The following MCF2L variants were observed in gnomAD, a reference collection of about 807,000 sequenced individuals.
MCF2L encodes the protein guanine nucleotide exchange factor DBS.
Under a neutral mutation model 153.4 loss-of-function variants are expected in MCF2L, and 97 were observed. The observed-to-expected ratio is 0.63, with a 90% CI of 0.54 to 0.75. The LOEUF is 0.75. MCF2L is among the 30% of genes least tolerant of loss of function. MCF2L has a pLI of 0.00. For missense variants in MCF2L, 1,347 were observed against 1,495.2 expected (o/e 0.90, Z 1.64); for synonymous variants, 659 against 632.2 (o/e 1.04, Z -0.64).
intron 29 of MCF2L, 21 bp from the exon 30 acceptor site, chr13:113,096,753 C>G: frequency 6.4e-7 from 1 of 1,562,612 alleles, no homozygotes; most frequent in African/African-American, 1.4e-5. Flanking sequence ...CGAAGCCCGT[C>G]CCCGCCTGAT....
intron 3 of MCF2L, among the ~76,000 whole-genome samples, chr13:113,042,061 G>C (rs1197792420): frequency 1.3e-5 from 2 of 152,198 alleles, no homozygotes; most frequent in Non-Finnish European, 2.9e-5. Flanking sequence ...CTGGTCCATA[G>C]CACAGCTGAG....
At chr13:113,065,194 T>TGTGTCAGCAGCACGTAAGACCAAG in intron 7 of MCF2L, 109 bp downstream of exon 7, 1 of 1,387,404 alleles carries the variant, frequency 7.2e-7, no homozygotes, top group Non-Finnish European at 1.0e-6. Context: ...AGCGGGAGTT[T>TGTGTCAGCAGCACGTAAGACCAAG]GTGTCAGCAG....
At chr13:112,948,605 A>C (rs950129698) in intron 2 of MCF2L, among the ~76,000 whole-genome samples, 2 of 152,246 alleles carry the variant, frequency 1.3e-5, no homozygotes, top group Admixed American at 6.5e-5. Flanking sequence ...CAGTACTGAG[A>C]GGGGAATTTT....
In MCF2L at chr13:112,993,070, G is replaced by C. The variant is rs867734336; in HGVS notation, c.80-21693G>C. Among the ~76,000 whole-genome samples the C allele has an allele frequency of 1.8e-4, 28 of 152,364 alleles. 1 individual carries two copies. The highest frequency in any genetic ancestry group is 3.4e-3 in the Middle Eastern group (1 of 294). On this transcript the variant is annotated intron_variant, in intron 1 of 29. Coordinates refer to ENST00000535094, the MANE Select transcript of MCF2L (RefSeq NM_001112732.3). The surrounding 1 kb of genome is among the most constrained non-coding windows in gnomAD (Gnocchi z 4.6). ...AGAGAGCGGCTCGCTGCCTTGAGAA[G>C]CTCCCGCTTCTGCAGTAAGGTGGCT...
intron 8 of MCF2L, among the ~76,000 whole-genome samples, 163 bp from the exon 9 acceptor site, chr13:113,069,896 C>T (rs1387367029): frequency 1.3e-5 from 2 of 152,124 alleles, no homozygotes; most frequent in African/African-American, 4.8e-5. Flanking sequence ...TGAGTGCCCG[C>T]GCCCGCAGAT....
chr13:112,973,105 A>G (rs1346884746), intron 1 of MCF2L, among the ~76,000 whole-genome samples: 1 of 152,022 alleles, frequency 6.6e-6, no homozygotes, highest in African/African-American at 2.4e-5. Context: ...AAGAGCTCTC[A>G]GTGGAGTAGG....
chr13:112,938,569 A>G (rs1325265284), intron 2 of MCF2L, among the ~76,000 whole-genome samples: 1 of 152,084 alleles, frequency 6.6e-6, no homozygotes, highest in African/African-American at 2.4e-5. Flanking sequence ...CAGATTTGGG[A>G]CCTGAAACTG....
Position 112,933,768 on chromosome 13 carries a change from C to T in MCF2L, c.169+31397C>T, listed in dbSNP as rs527745079. Reference sequence around the variant, plus strand: ...CAGCTGGCCCTTGGCCATCGGTCAGCGAAGAGCAGGCAGGAGAACCCAAGG... The same window carrying T: ...CAGCTGGCCCTTGGCCATCGGTCAGTGAAGAGCAGGCAGGAGAACCCAAGG... On this transcript the variant is annotated intron_variant, in intron 2 of 29. Coordinates refer to the MCF2L transcript ENST00000375608. 5.9e-5 allele frequency among the ~76,000 whole-genome samples: 9 copies of T among 152,348 alleles called. No homozygotes were observed. In the East Asian group the frequency reaches 7.7e-4, roughly 13 times the overall value.
At chr13:113,034,294 G>A (rs1009855721) in intron 3 of MCF2L, among the ~76,000 whole-genome samples, 4 of 152,026 alleles carry the variant, frequency 2.6e-5, no homozygotes, top group African/African-American at 4.8e-5. Context: ...ATGCCACCAC[G>A]CCCGGCTAAT....
In MCF2L at chr13:113,064,259, C is replaced by G. The variant is rs2032013555; in HGVS notation, c.490-45C>G. On this transcript the variant is annotated intron_variant, in intron 5 of 29. Coordinates refer to ENST00000535094, the MANE Select transcript of MCF2L (RefSeq NM_001112732.3). This position sits in a 1 kb window ranked among gnomAD's most constrained non-coding sequence, Gnocchi z 6.0. ...CTGATGGGGCAGCTCTTTTGGGAGC[C>G]AACAATAATCCCAAACACTACCACG... is the stretch of plus-strand genomic sequence containing the variant. 1.4e-6 allele frequency: 2 copies of G among 1,412,958 alleles called. No individual in the cohort carries two copies. Among genetic ancestry groups the G allele is most frequent in the Admixed American group, 1.7e-5 (1 of 59,736 alleles). 87.5% of individuals were successfully genotyped at this position (1,412,958 alleles called of 1,614,324 possible).
intron 15 of MCF2L, among the ~76,000 whole-genome samples, chr13:113,080,665 G>A (rs779334291): frequency 1.6e-4 from 25 of 152,298 alleles, no homozygotes; most frequent in African/African-American, 2.6e-4. Context: ...GTCACTCCCC[G>A]GACCACCACT....
chr13:112,996,850 G>A (rs747350949), intron 1 of MCF2L, among the ~76,000 whole-genome samples: 1 of 152,220 alleles, frequency 6.6e-6, no homozygotes, highest in Non-Finnish European at 1.5e-5. Context: ...GTCTGCATCT[G>A]TGCACAGCTG....
At position 112,899,065 on chromosome 13, in the gene MCF2L, G is replaced by A. The variant is rs143610045; in HGVS notation, c.-4-3134G>A. Among the ~76,000 whole-genome samples the A allele has an allele frequency of 8.7e-3, 1,319 of 152,320 alleles. 39 individuals carry two copies. The highest frequency in any genetic ancestry group is 0.046 in the Admixed American group (703 of 15,300). ...GCTCTCCCTGGGATCCGAGCTCCTCGGGGACAGGAGCTTCCCTGACATTTG... is the reference window on the plus strand; with the variant it reads ...GCTCTCCCTGGGATCCGAGCTCCTCAGGGACAGGAGCTTCCCTGACATTTG... On this transcript the variant is annotated intron_variant, in intron 1 of 29. Transcript: ENST00000375608.
chr13:113,069,948 A>T, intron 8 of MCF2L, 111 bp from the exon 9 acceptor site: 1 of 663,328 alleles, frequency 1.5e-6, no homozygotes, highest in East Asian at 3.3e-5. Context: ...CCAGGATCTC[A>T]GGAAGGCCCG....
chr13:112,967,059 G>C (rs1176842496), upstream of MCF2L, among the ~76,000 whole-genome samples: 2 of 152,142 alleles, frequency 1.3e-5, no homozygotes, highest in Non-Finnish European at 2.9e-5. Flanking sequence ...GCCTAGGGCC[G>C]TGTGGGCTGA....
Position 113,054,106 on chromosome 13 carries a change from CATCA to C in MCF2L, c.370-6477_370-6474del, listed in dbSNP as rs1218048242. On this transcript the variant is annotated intron_variant, in intron 4 of 29. Transcript: ENST00000535094. The surrounding 1 kb of genome is among the most constrained non-coding windows in gnomAD (Gnocchi z 5.2). ...GTGGGAGAGACGGCGAGCTCCCTCC[CATCA>C]ATCAATCAACAGACTGTCCTATTTT... Among the ~76,000 whole-genome samples, 1 of 152,134 alleles carries C rather than the reference CATCA, an allele frequency of 6.6e-6. No individual in the cohort carries two copies. Among genetic ancestry groups the C allele is most frequent in the African/African-American group, 2.4e-5 (1 of 41,426 alleles).
intron 1 of MCF2L, among the ~76,000 whole-genome samples, chr13:112,982,960 G>A (rs1055816320): frequency 6.6e-6 from 1 of 152,142 alleles, no homozygotes; most frequent in African/African-American, 2.4e-5. Context: ...GGGCTGGGGC[G>A]CAGCTCGTCC....
At chr13:113,018,790 G>A (rs559029241) in intron 2 of MCF2L, among the ~76,000 whole-genome samples, 19 of 152,312 alleles carry the variant, frequency 1.2e-4, no homozygotes, top group African/African-American at 3.6e-4. Flanking sequence ...GGCCCTGCCC[G>A]GAACGCAGAG....
chr13:112,944,098 A>G (rs1300406618), intron 2 of MCF2L, among the ~76,000 whole-genome samples: 1 of 117,464 alleles, frequency 8.5e-6, no homozygotes, highest in African/African-American at 3.4e-5. Flanking sequence ...GTTCCGGACC[A>G]TGAGGGAAGG....
Sources: allele counts gnomAD v4.1 joint callset (sites outside exome capture counted in the v4.1 genomes callset), GRCh38; gene constraint gnomAD v4.1.1; non-coding constraint Gnocchi (gnomAD v3.1); transcripts MANE v1.5; gene names NCBI Gene and HGNC (gene_info 2026-07-23, HGNC 2026-07-21).